The following GABPB2 variants were observed in gnomAD, a reference collection of about 807,000 sequenced individuals.
The protein encoded by GABPB2 is GA binding protein transcription factor subunit beta 2.
A neutral mutation model predicts 39.1 loss-of-function variants in GABPB2; 23 were observed. The observed-to-expected ratio is 0.59, with a 90% CI of 0.42 to 0.83. The LOEUF (loss-of-function observed/expected upper bound fraction) is 0.83, where lower values mean the gene tolerates loss of function less well. Among genes scored for constraint, GABPB2 ranks in the 40% least tolerant of loss-of-function variants. The probability of loss-of-function intolerance (pLI) is 0.00; values close to 1 mark genes in which losing one functional copy is unlikely to be tolerated. For missense variants in GABPB2, 467 were observed against 541.1 expected (o/e 0.86, Z 1.36); for synonymous variants, 184 against 199.3 (o/e 0.92, Z 0.65).
intron 1 of GABPB2, among the ~76,000 whole-genome samples, chr1:151,072,271 G>A (rs1349533392): frequency 6.6e-6 from 1 of 152,250 alleles, no homozygotes; most frequent in Non-Finnish European, 1.5e-5. Context: ...TTTTGGCCGG[G>A]CGCAGTGGCT....
intron 3 of GABPB2, among the ~76,000 whole-genome samples, chr1:151,091,679 G>C (rs1382941734): frequency 6.6e-6 from 1 of 150,746 alleles, no homozygotes; most frequent in Non-Finnish European, 1.5e-5. Context: ...GGGTTTCACT[G>C]TGTTGGCCAG....
chr1:151,070,936 TGAGGAGGA>T lies in GABPB2; in HGVS notation c.-1+3_-1+10del, dbSNP rs1343308405. 1.3e-5 allele frequency: 2 copies of T among 150,028 alleles called. No individual in the cohort carries two copies. Among genetic ancestry groups the T allele is most frequent in the African/African-American group, 2.5e-5 (1 of 40,564 alleles). 9.3% of individuals were successfully genotyped at this position (150,028 alleles called of 1,614,324 possible). On this transcript the variant is annotated splice_donor_5th_base_variant and intron_variant, in intron 1 of 8. Coordinates refer to ENST00000368918, the MANE Select transcript of GABPB2 (RefSeq NM_144618.3). ...GCCGGCAGCGTCCCGGACGAGGAGG[TGAGGAGGA>T]AAGAAGAGATGTGTGGACTCCGGGG...
chr1:151,112,283 G>GTA (rs1558159580), intron 7 of GABPB2: 3 of 149,140 alleles, frequency 2.0e-5, no homozygotes, highest in African/African-American at 7.4e-5. Context: ...AAGGCTGACG[G>GTA]TATATATTGA....
At chr1:151,094,424 C>T (rs587633707) in intron 4 of GABPB2, among the ~76,000 whole-genome samples, 3 of 147,878 alleles carry the variant, frequency 2.0e-5, no homozygotes, top group South Asian at 2.2e-4. Context: ...TGCAATGGCA[C>T]GATCTCGGCT....
At position 151,124,780 on chromosome 1, in the gene GABPB2, A is replaced by G. The variant is rs998955578; in HGVS notation, c.*6524A>G. 1 of 152,032 alleles carries G rather than the reference A, an allele frequency of 6.6e-6. No homozygotes were observed. Among genetic ancestry groups the G allele is most frequent in the Non-Finnish European group, 1.5e-5 (1 of 68,020 alleles). 9.4% of individuals were successfully genotyped at this position (152,032 alleles called of 1,614,324 possible). A position where few individuals can be genotyped will look rare whatever the true frequency, so the allele number is the denominator to read the frequency against. On this transcript the variant is annotated 3_prime_UTR_variant, in exon 9 of 9. Transcript: ENST00000368918. ...TATCTCAGAAGTACTACCCCTTCTG[A>G]GTAGTACTATTATTTCCTATGCCAA...
chr1:151,111,266 C>T (rs900909536), intron 7 of GABPB2, among the ~76,000 whole-genome samples: 13 of 149,092 alleles, frequency 8.7e-5, no homozygotes, highest in African/African-American at 3.0e-4. Flanking sequence ...TTTTTTGAGA[C>T]GGAGTCTTGC....
At chr1:151,090,132 C>A (rs1003668303) in intron 2 of GABPB2, among the ~76,000 whole-genome samples, 1 of 151,854 alleles carries the variant, frequency 6.6e-6, no homozygotes, top group Admixed American at 6.6e-5. Flanking sequence ...TTAGTTGAGA[C>A]GGGGTTTCAC....
At chr1:151,107,250 T>A in intron 7 of GABPB2, 28 bp downstream of exon 7, 1 of 1,423,796 alleles carries the variant, frequency 7.0e-7, no homozygotes, top group Non-Finnish European at 9.4e-7. Context: ...GACAATTGTT[T>A]ATTAAAAGAT....
At chr1:151,095,729 G>A (rs908372578) in intron 4 of GABPB2, among the ~76,000 whole-genome samples, 2 of 152,030 alleles carry the variant, frequency 1.3e-5, no homozygotes, top group African/African-American at 4.8e-5. Flanking sequence ...TAAAGGAAAA[G>A]GGCAAATTCA....
At chr1:151,083,691 TCTC>T (rs1247224305) in intron 1 of GABPB2, among the ~76,000 whole-genome samples, 2 of 151,206 alleles carry the variant, frequency 1.3e-5, no homozygotes, top group Non-Finnish European at 2.9e-5. Context: ...TGTCAGTTGT[TCTC>T]CTTGAAGTGG....
intron 7 of GABPB2, among the ~76,000 whole-genome samples, chr1:151,109,662 A>C (rs931861771): frequency 2.7e-5 from 4 of 150,708 alleles, no homozygotes; most frequent in Non-Finnish European, 5.9e-5. Flanking sequence ...CCCGGCCTAT[A>C]GTTTTTTTTT....
At chr1:151,092,994 G>A (rs1678835505) in intron 3 of GABPB2, among the ~76,000 whole-genome samples, 198 bp from the exon 4 acceptor site, 1 of 152,024 alleles carries the variant, frequency 6.6e-6, no homozygotes, top group Non-Finnish European at 1.5e-5. Flanking sequence ...GATGTCCTTA[G>A]AGGACCCACT....
rs1035207065 is a variant in GABPB2 at position 151,097,793 on chromosome 1, AAGAC to A, written c.472-55_472-52del. On this transcript the variant is annotated intron_variant, in intron 4 of 8. Transcript: ENST00000368918. ...GACTGTCTCAAAAAAAAAAAAAAGA[AAGAC>A]AGAAAAGAAAAGCTAATAAGTGTTC... The A allele has an allele frequency of 1.7e-4, 257 of 1,532,068 alleles. 1 individual carries two copies. Among genetic ancestry groups the A allele is most frequent in the African/African-American group, 1.2e-3 (87 of 71,582 alleles). 94.9% of individuals were successfully genotyped at this position (1,532,068 alleles called of 1,614,324 possible). A position where few individuals can be genotyped will look rare whatever the true frequency, so the allele number is the denominator to read the frequency against.
chr1:151,099,179 CTTTATTT>C (rs200100368), intron 5 of GABPB2, among the ~76,000 whole-genome samples: 3,601 of 151,360 alleles, frequency 0.024, 97 homozygotes, highest in African/African-American at 0.071. Context: ...TCAGCATCTC[CTTTATTT>C]TTTATTTTTT....
intron 8 of GABPB2, among the ~76,000 whole-genome samples, chr1:151,117,731 C>T (rs1181252586): frequency 2.0e-5 from 3 of 152,084 alleles, no homozygotes; most frequent in African/African-American, 7.2e-5. Context: ...TTACAGGCAC[C>T]TGCCACCATG....
intron 1 of GABPB2, among the ~76,000 whole-genome samples, chr1:151,077,018 C>T (rs1325980739): frequency 6.6e-6 from 1 of 152,034 alleles, no homozygotes; most frequent in Non-Finnish European, 1.5e-5. Flanking sequence ...TGGTCTCAAT[C>T]TCCTGACCTC....
intron 1 of GABPB2, among the ~76,000 whole-genome samples, chr1:151,082,942 C>G (rs1192408851): frequency 6.7e-6 from 1 of 150,246 alleles, no homozygotes; most frequent in East Asian, 2.0e-4. Context: ...TACCACTGCA[C>G]TCTAGCCTGG....
intron 7 of GABPB2, among the ~76,000 whole-genome samples, chr1:151,113,523 G>A (rs1680632618): frequency 1.3e-5 from 2 of 149,404 alleles, no homozygotes; most frequent in Non-Finnish European, 3.0e-5. Flanking sequence ...ACCGTGTCTG[G>A]CCAAATCTTC....
At chr1:151,112,771 G>C (rs587600552) in intron 7 of GABPB2, 1 of 164,210 alleles carries the variant, frequency 6.1e-6, no homozygotes, top group African/African-American at 2.4e-5. Flanking sequence ...AGGAGCTCCC[G>C]AATTTTTTTT....
Sources: gnomAD v4.1 joint callset for allele counts (sites outside exome capture counted in the v4.1 genomes callset) on GRCh38, gnomAD v4.1.1 for gene constraint, MANE v1.5 for transcripts, NCBI Gene and HGNC (gene_info 2026-07-23, HGNC 2026-07-21) for gene names.